PHLDB3: variants seen among roughly 807,000 people sequenced by gnomAD.
PHLDB3 encodes the protein pleckstrin homology like domain family B member 3, also known as pleckstrin homology-like domain family B member 3.
In PHLDB3, 86 loss-of-function variants were observed where a neutral mutation model predicts 85.7. That is an observed-to-expected ratio of 1.00 (90% confidence interval 0.84 to 1.20). The LOEUF (loss-of-function observed/expected upper bound fraction) is 1.20, where lower values mean the gene tolerates loss of function less well. Among genes scored for constraint, PHLDB3 ranks in the 50% most tolerant of loss-of-function variants. The pLI is 0.00. For missense variants in PHLDB3, 995 were observed against 873.0 expected (o/e 1.14, Z -1.76); for synonymous variants, 376 against 349.8 (o/e 1.07, Z -0.83).
intron 7 of PHLDB3, 31 bp downstream of exon 7, chr19:43,495,464 G>T (rs762047921): frequency 6.2e-7 from 1 of 1,604,726 alleles, no homozygotes; most frequent in East Asian, 2.3e-5. Context: ...AAGTGAGGAC[G>T]GTAGGGTAGG....
At chr19:43,500,135 A>G (rs557383078) in intron 4 of PHLDB3, among the ~76,000 whole-genome samples, 2 of 152,132 alleles carry the variant, frequency 1.3e-5, no homozygotes, top group South Asian at 4.2e-4. Flanking sequence ...GCTACTGGGG[A>G]GGCTAAGACA....
rs1485051846 is a variant in PHLDB3, at chr19:43,482,975, T to C, written c.1485+3291A>G. 5.9e-5 allele frequency among the ~76,000 whole-genome samples: 9 copies of C among 152,358 alleles called. No homozygotes were observed. In the East Asian group the frequency reaches 1.7e-3, roughly 29 times the overall value. On this transcript the variant is annotated intron_variant, in intron 13 of 15. Coordinates refer to ENST00000292140, the MANE Select transcript of PHLDB3 (RefSeq NM_198850.4). The stretch of plus-strand genomic sequence containing the variant: ...TTTTACATATTGATGTTGCTTTGTG[T>C]CCATCTTCCCCCTTAAAACATCAGC...
intron 9 of PHLDB3, among the ~76,000 whole-genome samples, chr19:43,491,970 T>C (rs1236332648): frequency 2.7e-5 from 4 of 147,574 alleles, no homozygotes; most frequent in Middle Eastern, 3.3e-3. Flanking sequence ...TTTTTTTTTT[T>C]TTTGAGACAG....
chr19:43,487,164 G>A, intron 9 of PHLDB3, 41 bp from the exon 10 acceptor site: 2 of 1,519,610 alleles, frequency 1.3e-6, no homozygotes, highest in Non-Finnish European at 1.8e-6. Flanking sequence ...AAAAAGGCTT[G>A]ATCTCCAACC....
In PHLDB3 at chr19:43,487,071, C is replaced by T; in HGVS notation, c.1202G>A (p.Arg401Lys). 6.3e-7 allele frequency: 1 copy of T among 1,580,034 alleles called. No individual in the cohort carries two copies. The highest frequency in any genetic ancestry group is 8.6e-7 in the Non-Finnish European group (1 of 1,163,562). The change falls in exon 10 of 16, where the codon AGG (arginine) becomes AAG (lysine). Residue 401 changes from arginine (R) to lysine (K), a missense_variant. Transcript: ENST00000292140. ...TGSLPRKRGE[R>K]GSQRGSPRPL... ...TCGGGGGGATCCTCTCTGGCTCCCC[C>T]TCTCCCCCCTTTTCCGGGGCAGGCT...
At chr19:43,475,612 G>A (rs1599928251) in intron 15 of PHLDB3, 68 bp from the exon 16 acceptor site, 2 of 1,593,574 alleles carry the variant, frequency 1.3e-6, no homozygotes, top group Middle Eastern at 1.7e-4. Flanking sequence ...TGCGAACCCA[G>A]CCTTGCTACT....
chr19:43,496,549 G>T (rs1441689695), intron 6 of PHLDB3: 2 of 152,552 alleles, frequency 1.3e-5, no homozygotes, highest in Non-Finnish European at 2.9e-5. Flanking sequence ...ATCTTGAAAG[G>T]CCAAGGTGGG....
At chr19:43,501,507 C>A (rs1438852072) in intron 4 of PHLDB3, 2 of 801,994 alleles carry the variant, frequency 2.5e-6, no homozygotes, top group Admixed American at 3.1e-5. Flanking sequence ...TTTACACACC[C>A]ACATTTAAAT....
chr19:43,486,581 T>A (rs1205695910), intron 12 of PHLDB3, 28 bp downstream of exon 12: 2 of 1,603,412 alleles, frequency 1.2e-6, no homozygotes. Context: ...CAGTCTTCTG[T>A]TCCGAAGAGG....
intron 13 of PHLDB3, among the ~76,000 whole-genome samples, chr19:43,485,076 TAAATA>T (rs1971124477): frequency 2.6e-5 from 4 of 151,920 alleles, no homozygotes; most frequent in Admixed American, 2.0e-4. Flanking sequence ...ATTAAAATGT[TAAATA>T]AAATAAATAA....
chr19:43,479,262 C>G (rs954448247), intron 14 of PHLDB3, 115 bp downstream of exon 14: 9 of 1,126,590 alleles, frequency 8.0e-6, no homozygotes, highest in Admixed American at 2.3e-5. Context: ...AACCAAACTT[C>G]TGGATCCTGG....
intron 14 of PHLDB3, among the ~76,000 whole-genome samples, chr19:43,478,869 C>T (rs977060531): frequency 2.0e-5 from 3 of 151,940 alleles, no homozygotes; most frequent in African/African-American, 7.3e-5. Context: ...GGGCTGAGAT[C>T]GCACCACTGC....
chr19:43,481,614 A>G lies in PHLDB3; in HGVS notation c.1486-2021T>C, dbSNP rs550461067. Among the ~76,000 whole-genome samples the G allele has an allele frequency of 3.2e-4, 48 of 151,796 alleles. No homozygotes were observed. The East Asian group carries it at 8.7e-3, about 28-fold the overall frequency. ...GCCTTGGCAACAAGAGCGAAACTCC[A>G]TCTCAAAAAAAAAATACAAAAATAC... On this transcript the variant is annotated intron_variant, in intron 13 of 15. Coordinates refer to ENST00000292140, the MANE Select transcript of PHLDB3 (RefSeq NM_198850.4).
chr19:43,497,344 G>T, intron 5 of PHLDB3, 65 bp from the exon 6 acceptor site: 4 of 1,271,282 alleles, frequency 3.1e-6, no homozygotes, highest in Non-Finnish European at 4.1e-6. Context: ...GTAGTGGGCT[G>T]GGGCTGGGAC....
At chr19:43,488,110 C>T (rs1263932189) in intron 9 of PHLDB3, among the ~76,000 whole-genome samples, 4 of 151,418 alleles carry the variant, frequency 2.6e-5, no homozygotes, top group Admixed American at 2.6e-4. Context: ...GCCGAGATCT[C>T]GCCACTGAAA....
chr19:43,497,181 G>A lies in PHLDB3; in HGVS notation c.762C>T (p.Ser254=). The change falls in exon 6 of 16, where the codon AGC becomes AGT. Residue 254 remains serine, a synonymous_variant. Coordinates refer to ENST00000292140, the MANE Select transcript of PHLDB3 (RefSeq NM_198850.4). ...TGGGGTCTGGCACCTGGGGCCCAGG[G>A]CTGTCCCGATCCTCCTCCTCCTGCC... ...ESRQEEEDRD[S]PGPQVPDPKV... is the part of the protein sequence containing the mutation. 6.4e-7 allele frequency: 1 copy of A among 1,567,656 alleles called. No individual in the cohort carries two copies. The highest frequency in any genetic ancestry group is 1.9e-5 in the Admixed American group (1 of 52,774).
chr19:43,477,622 C>A (rs747294682), intron 15 of PHLDB3, among the ~76,000 whole-genome samples: 13 of 151,196 alleles, frequency 8.6e-5, no homozygotes, highest in Non-Finnish European at 1.5e-4. Context: ...TGAGACCAAC[C>A]TGGCCAACAC....
At chr19:43,493,202 C>G (rs1441087669) in intron 9 of PHLDB3, among the ~76,000 whole-genome samples, 1 of 151,708 alleles carries the variant, frequency 6.6e-6, no homozygotes, top group Non-Finnish European at 1.5e-5. Flanking sequence ...TCGCTTGAAC[C>G]CAGGAGGCGG....
In PHLDB3 at chr19:43,497,604, C is replaced by T. The variant is rs752090642; in HGVS notation, c.663+144G>A. The T allele has an allele frequency of 2.3e-5, 21 of 901,192 alleles. No homozygotes were observed. In the Admixed American group the frequency reaches 2.9e-4, roughly 12 times the overall value. The allele number at this position is 901,192 out of a possible 1,614,324, so 55.8% of individuals were successfully genotyped here. A position where few individuals can be genotyped will look rare whatever the true frequency, so the allele number is the denominator to read the frequency against. On this transcript the variant is annotated intron_variant, in intron 5 of 15. Transcript: ENST00000292140. ...GTGCGCACCTGTAGTCCCAGCTACA[C>T]GGGAGGCTGAGATGGGAGAATCGCT... is the stretch of plus-strand genomic sequence containing the variant.
Sources: gnomAD v4.1 joint callset for allele counts (sites outside exome capture counted in the v4.1 genomes callset) on GRCh38, gnomAD v4.1.1 for gene constraint, MANE v1.5 for transcripts, NCBI Gene and HGNC (gene_info 2026-07-23, HGNC 2026-07-21) for gene names.